The following SNX30 variants were observed in gnomAD, a reference collection of about 807,000 sequenced individuals.
SNX30 encodes the protein sorting nexin-30.
Under a neutral mutation model 46.4 loss-of-function variants are expected in SNX30, and 24 were observed. The observed-to-expected ratio is 0.52, with a 90% confidence interval of 0.37 to 0.73. SNX30 has a LOEUF of 0.73. SNX30 is among the 30% of genes least tolerant of loss of function. SNX30 has a pLI of 0.00. For synonymous variants in SNX30, 189 were observed against 211.5 expected (o/e 0.89, Z 0.92); for missense variants, 533 against 555.7 (o/e 0.96, Z 0.41).
At chr9:112,788,581 C>T (rs1189420962) in intron 1 of SNX30, among the ~76,000 whole-genome samples, 1 of 152,072 alleles carries the variant, frequency 6.6e-6, no homozygotes, top group African/African-American at 2.4e-5. Context: ...ACACACCACT[C>T]GAGGGACCTC....
chr9:112,805,180 T>G, intron 2 of SNX30, among the ~76,000 whole-genome samples: 1 of 151,308 alleles, frequency 6.6e-6, no homozygotes. Context: ...GAAGAAATTG[T>G]AAGATTTTTC....
intron 7 of SNX30, among the ~76,000 whole-genome samples, chr9:112,854,413 C>T (rs770138993): frequency 4.6e-5 from 7 of 152,162 alleles, no homozygotes; most frequent in African/African-American, 7.2e-5. Context: ...CTCATCCTCT[C>T]GGCCACAGGA....
chr9:112,761,155 TTTTG>T (rs144683493), intron 1 of SNX30, among the ~76,000 whole-genome samples: 33,681 of 151,616 alleles, frequency 0.22, 3,795 homozygotes, highest in Admixed American at 0.26. Context: ...GAGGGCGTGG[TTTTG>T]TTTGTTTGTT....
At chr9:112,804,065 C>T (rs1267217185) in intron 1 of SNX30, among the ~76,000 whole-genome samples, 1 of 149,426 alleles carries the variant, frequency 6.7e-6, no homozygotes, top group Non-Finnish European at 1.5e-5. Flanking sequence ...GAACCCGGTA[C>T]CTCAGATGGA....
chr9:112,779,705 C>T (rs1382440776), intron 1 of SNX30, among the ~76,000 whole-genome samples: 1 of 152,046 alleles, frequency 6.6e-6, no homozygotes, highest in Admixed American at 6.6e-5. Context: ...AAAAAACAAA[C>T]CAAAAAGAGA....
At chr9:112,845,058 A>G (rs1840919637) in intron 6 of SNX30, among the ~76,000 whole-genome samples, 1 of 152,254 alleles carries the variant, frequency 6.6e-6, no homozygotes, top group Non-Finnish European at 1.5e-5. Flanking sequence ...GTGAAGAAGC[A>G]GGATGTGAAA....
In SNX30 at chr9:112,750,852, G is replaced by A. The variant is rs1234637537; in HGVS notation, c.-150G>A. 1.4e-5 allele frequency: 9 copies of A among 637,360 alleles called. No homozygotes were observed. Among genetic ancestry groups the A allele is most frequent in the Non-Finnish European group, 1.8e-5 (9 of 504,446 alleles). The allele number at this position is 637,360 out of a possible 1,614,324, so 39.5% of individuals were successfully genotyped here. A position where few individuals can be genotyped will look rare whatever the true frequency, so the allele number is the denominator to read the frequency against. On this transcript the variant is annotated 5_prime_UTR_variant, in exon 1 of 9. Transcript: ENST00000374232. Reference sequence around the variant, plus strand: ...AGCGTCTGAGCGCCGGCAGAGACCAGCCGGCGGGTGGCGGCGGCCCCCAGC... The same window carrying A: ...AGCGTCTGAGCGCCGGCAGAGACCAACCGGCGGGTGGCGGCGGCCCCCAGC...
chr9:112,788,871 C>T (rs886194770), intron 1 of SNX30, among the ~76,000 whole-genome samples: 1 of 152,198 alleles, frequency 6.6e-6, no homozygotes, highest in Non-Finnish European at 1.5e-5. Context: ...TCTCGGCTCA[C>T]CACAGCCTCA....
At chr9:112,767,844 C>G (rs570951821) in intron 1 of SNX30, among the ~76,000 whole-genome samples, 46 of 152,302 alleles carry the variant, frequency 3.0e-4, no homozygotes, top group African/African-American at 1.0e-3. Context: ...ACGCGATCCT[C>G]CCACCCTGGC....
At chr9:112,877,604 C>T (rs1466928243), downstream of SNX30, 2 of 152,324 alleles carry the variant, frequency 1.3e-5, no homozygotes, top group African/African-American at 2.4e-5. Flanking sequence ...ACCTCACCCT[C>T]TACCATCCAT....
intron 6 of SNX30, among the ~76,000 whole-genome samples, chr9:112,839,579 A>G (rs1374882525): frequency 2.0e-5 from 3 of 152,216 alleles, no homozygotes; most frequent in African/African-American, 7.2e-5. Context: ...CGGCCTGCAC[A>G]TAGACTGGTT....
At position 112,871,757 on chromosome 9, in the gene SNX30, C is replaced by T. The variant is rs1776342603; in HGVS notation, c.*2914C>T. The T allele has an allele frequency of 6.6e-6, 1 of 152,022 alleles. No individual in the cohort carries two copies. Among genetic ancestry groups the T allele is most frequent in the South Asian group, 2.1e-4 (1 of 4,824 alleles). 9.4% of individuals were successfully genotyped at this position (152,022 alleles called of 1,614,324 possible). On this transcript the variant is annotated 3_prime_UTR_variant, in exon 9 of 9. Coordinates refer to ENST00000374232, the MANE Select transcript of SNX30 (RefSeq NM_001012994.2). ...AGGAACTGAGCAGATTTTAGAGACG[C>T]AAATGATGTTTAAGAGAGCCTTGTG...
chr9:112,852,789 G>T (rs1037841778), intron 7 of SNX30, among the ~76,000 whole-genome samples: 4 of 152,180 alleles, frequency 2.6e-5, no homozygotes, highest in Non-Finnish European at 5.9e-5. Context: ...AGGAACGTTA[G>T]TAAGATAATA....
intron 1 of SNX30, among the ~76,000 whole-genome samples, chr9:112,765,664 A>G (rs1397889474): frequency 6.6e-6 from 1 of 152,218 alleles, no homozygotes; most frequent in Non-Finnish European, 1.5e-5. Flanking sequence ...AGTATGATTG[A>G]CAAAAATTGT....
At chr9:112,877,210 T>C (rs922703353), downstream of SNX30, 1 of 152,180 alleles carries the variant, frequency 6.6e-6, no homozygotes, top group African/African-American at 2.4e-5. Context: ...GGTTTGAAAC[T>C]CCTACCCTGG....
At chr9:112,821,149 G>GTAT (rs1840486321) in intron 3 of SNX30, among the ~76,000 whole-genome samples, 1 of 152,162 alleles carries the variant, frequency 6.6e-6, no homozygotes, top group Admixed American at 6.6e-5. Context: ...CACACGCGAT[G>GTAT]TATAGGAGTT....
At chr9:112,857,058 C>T (rs1841143008) in intron 7 of SNX30, among the ~76,000 whole-genome samples, 1 of 152,236 alleles carries the variant, frequency 6.6e-6, no homozygotes, top group Non-Finnish European at 1.5e-5. Flanking sequence ...GCGCGGGCCC[C>T]AGCAGCTGTG....
intron 7 of SNX30, among the ~76,000 whole-genome samples, chr9:112,855,118 A>G (rs529345725): frequency 6.6e-6 from 1 of 151,928 alleles, no homozygotes; most frequent in African/African-American, 2.4e-5. Flanking sequence ...GCCCATCAGG[A>G]GGTTTGGTGG....
intron 7 of SNX30, among the ~76,000 whole-genome samples, chr9:112,862,641 C>G (rs1393426318): frequency 6.6e-6 from 1 of 152,118 alleles, no homozygotes; most frequent in East Asian, 1.9e-4. Flanking sequence ...GTGGCTCAAA[C>G]CTGTAATTCC....
Sources: gnomAD v4.1 joint callset for allele counts (sites outside exome capture counted in the v4.1 genomes callset) on GRCh38, gnomAD v4.1.1 for gene constraint, MANE v1.5 for transcripts, NCBI Gene and HGNC (gene_info 2026-07-23, HGNC 2026-07-21) for gene names.